Variants in URB1 observed in about 807,000 individuals in gnomAD.
URB1 encodes the protein URB1 ribosome biogenesis factor.
Under a neutral mutation model 242.3 loss-of-function variants are expected in URB1, and 197 were observed. The ratio of observed to expected loss-of-function variants is 0.81; its 90% CI spans 0.72 to 0.91. The LOEUF is 0.91. URB1 is among the 40% of genes least tolerant of loss of function. URB1 has a pLI of 0.00. For missense variants in URB1, 2,721 were observed against 2,860.5 expected (o/e 0.95, Z 1.11); for synonymous variants, 1,153 against 1,201.8 (o/e 0.96, Z 0.84).
chr21:32,383,168 G>A (rs2033545337), intron 4 of URB1, among the ~76,000 whole-genome samples: 1 of 152,186 alleles, frequency 6.6e-6, no homozygotes, highest in Admixed American at 6.5e-5. Flanking sequence ...GGAAGGCCCT[G>A]TGCCACTCAG....
In URB1 at chr21:32,344,704, G is replaced by A. The variant is rs928459803; in HGVS notation, c.4123C>T (p.Leu1375=). 6.4e-7 allele frequency: 1 copy of A among 1,552,048 alleles called. No individual in the cohort carries two copies. The highest frequency in any genetic ancestry group is 8.7e-7 in the Non-Finnish European group (1 of 1,147,130). Residue 1375 remains leucine, a synonymous_variant, in exon 24 of 39, where the codon CTG becomes TTG. Transcript: ENST00000382751. ...SAALEGSAEE[L]CAWRRTLLES... is the part of the protein sequence containing the mutation. ...AAAAGGGTCCTTCTCCAGGCACACA[G>A]CTCTTCTGCTGACCCTTCCAGAGCT...
rs761560231 is a variant in URB1, at chr21:32,314,692, C to G, written c.*226G>C. ...GGGCCTCATGGCCTAGAAGTCCCCACATTCCTTGCAACTCTGATGCTGGGC... is the reference window on the plus strand; with the variant it reads ...GGGCCTCATGGCCTAGAAGTCCCCAGATTCCTTGCAACTCTGATGCTGGGC... On this transcript the variant is annotated 3_prime_UTR_variant, in exon 39 of 39. Transcript: ENST00000382751. 1 of 1,588,286 alleles carries G rather than the reference C, an allele frequency of 6.3e-7. No homozygotes were observed. The highest frequency in any genetic ancestry group is 2.2e-5 in the East Asian group (1 of 44,758).
chr21:32,332,354 T>C (rs2032902959), intron 30 of URB1, among the ~76,000 whole-genome samples: 1 of 151,236 alleles, frequency 6.6e-6, no homozygotes, highest in Admixed American at 6.6e-5. Flanking sequence ...TGAAAGAACT[T>C]GTTAAAAGGA....
At chr21:32,391,643 T>C (rs2033639789) in intron 1 of URB1, among the ~76,000 whole-genome samples, 1 of 152,160 alleles carries the variant, frequency 6.6e-6, no homozygotes, top group Non-Finnish European at 1.5e-5. Flanking sequence ...CTTAATGAAT[T>C]CGGAAATAAA....
chr21:32,367,625 G>A (rs2033360616), intron 9 of URB1, among the ~76,000 whole-genome samples: 1 of 152,228 alleles, frequency 6.6e-6, no homozygotes. Context: ...GGCAGATGCT[G>A]ACATTATGAT....
intron 8 of URB1, among the ~76,000 whole-genome samples, chr21:32,372,087 G>A (rs2033412050): frequency 6.6e-6 from 1 of 152,208 alleles, no homozygotes; most frequent in Non-Finnish European, 1.5e-5. Context: ...CATTTAACCA[G>A]TGTAAGTGTC....
chr21:32,378,476 G>C lies in URB1; in HGVS notation c.633C>G (p.Asp211Glu), dbSNP rs1030928608. 13 of 1,551,582 alleles carry C rather than the reference G, an allele frequency of 8.4e-6. No individual in the cohort carries two copies. Among genetic ancestry groups the C allele is most frequent in the African/African-American group, 1.4e-5 (1 of 73,032 alleles). The change falls in exon 5 of 39, where the codon GAC becomes GAG. Residue 211 changes from aspartate (D) to glutamate (E), a missense_variant. Transcript: ENST00000382751. ...FALSFLIAGDDSTIVQVLEVK... is the reference protein window; with the variant it reads ...FALSFLIAGDESTIVQVLEVK... Reference sequence around the variant, plus strand: ...CTTCCAACACCTGCACTATAGTGCTGTCATCACCCGCAATTAAAAAGGAGA... The same window carrying C: ...CTTCCAACACCTGCACTATAGTGCTCTCATCACCCGCAATTAAAAAGGAGA...
At chr21:32,322,294 C>T (rs748128339) in intron 33 of URB1, among the ~76,000 whole-genome samples, 184 bp downstream of exon 33, 25 of 152,162 alleles carry the variant, frequency 1.6e-4, no homozygotes, top group Non-Finnish European at 1.6e-4. Context: ...AGGTTTGAGG[C>T]GCCATGTAGA....
At chr21:32,365,443 C>G (rs905318082) in intron 10 of URB1, among the ~76,000 whole-genome samples, 1 of 150,956 alleles carries the variant, frequency 6.6e-6, no homozygotes, top group Non-Finnish European at 1.5e-5. Flanking sequence ...AGAACAAGAC[C>G]CTGTCTCAAA....
At chr21:32,362,959 T>C (rs2033305457) in intron 11 of URB1, among the ~76,000 whole-genome samples, 197 bp downstream of exon 11, 1 of 152,212 alleles carries the variant, frequency 6.6e-6, no homozygotes, top group African/African-American at 2.4e-5. Flanking sequence ...TCATGCTCTG[T>C]GACATCACTG....
Position 32,311,416 on chromosome 21 carries a change from C to T in URB1, c.*3502G>A, listed in dbSNP as rs909287202. 7.2e-6 allele frequency: 2 copies of T among 278,140 alleles called. No individual in the cohort carries two copies. The highest frequency in any genetic ancestry group is 1.2e-4 in the East Asian group (2 of 16,470). 17.2% of individuals were successfully genotyped at this position (278,140 alleles called of 1,614,324 possible). On this transcript the variant is annotated 3_prime_UTR_variant, in exon 39 of 39. Transcript: ENST00000382751. The stretch of plus-strand genomic sequence containing the variant: ...TCAACCTGCTCCCCTCCACCCCCCA[C>T]CCCCCCCATCCTAAATCAATGTAGG...
chr21:32,345,327 A>AG (rs1247651069), intron 23 of URB1, 47 bp downstream of exon 23: 2 of 1,524,238 alleles, frequency 1.3e-6, no homozygotes, highest in Non-Finnish European at 1.8e-6. Context: ...TAAAAAAAAA[A>AG]TGACACCGAG....
chr21:32,336,684 C>T (rs1349206439), intron 28 of URB1, among the ~76,000 whole-genome samples: 4 of 152,082 alleles, frequency 2.6e-5, no homozygotes, highest in African/African-American at 9.7e-5. Context: ...CATGCATGCA[C>T]ATACAGACAA....
chr21:32,351,362 T>C (rs2033156402), intron 19 of URB1, among the ~76,000 whole-genome samples: 1 of 152,220 alleles, frequency 6.6e-6, no homozygotes, highest in African/African-American at 2.4e-5. Context: ...GGACAGAAGA[T>C]GGGCAGAACA....
intron 24 of URB1, 88 bp from the exon 25 acceptor site, chr21:32,341,612 C>T (rs1329438266): frequency 6.7e-6 from 8 of 1,201,606 alleles, no homozygotes; most frequent in Non-Finnish European, 9.5e-6. Flanking sequence ...TTCAGAAAGG[C>T]ATCTGCCTCC....
At chr21:32,360,904 G>T in intron 13 of URB1, 103 bp downstream of exon 13, 1 of 717,372 alleles carries the variant, frequency 1.4e-6, no homozygotes, top group Non-Finnish European at 2.2e-6. Flanking sequence ...GGATGAGCAC[G>T]CAGCCAACCG....
In URB1 at chr21:32,349,344, T is replaced by A. The variant is rs2123581931; in HGVS notation, c.2972A>T (p.Asp991Val). The part of the protein sequence containing the change: ...AARAEADLFL[D>V]MESVASLELA... The stretch of plus-strand genomic sequence containing the variant: ...CTCCAGCGAGGCCACGGACTCCATG[T>A]CCAGGAAGAGGTCGGCTTCGGCCCG... Residue 991 changes from aspartate to valine, a missense_variant, in exon 21 of 39, where the codon GAC (aspartate) becomes GTC (valine). Transcript: ENST00000382751. 1 of 1,550,936 alleles carries A rather than the reference T, an allele frequency of 6.4e-7. No homozygotes were observed. The highest frequency in any genetic ancestry group is 8.7e-7 in the Non-Finnish European group (1 of 1,146,728).
chr21:32,368,751 G>T (rs149738937), intron 8 of URB1, among the ~76,000 whole-genome samples, 153 bp from the exon 9 acceptor site: 4 of 152,246 alleles, frequency 2.6e-5, no homozygotes, highest in African/African-American at 7.2e-5. Flanking sequence ...TGGGGGTTCC[G>T]TGGCCTGGGG....
At chr21:32,351,797 C>T (rs765529455) in intron 19 of URB1, among the ~76,000 whole-genome samples, 6 of 152,222 alleles carry the variant, frequency 3.9e-5, no homozygotes, top group African/African-American at 1.4e-4. Context: ...TGCTGTCTGG[C>T]TATCACTGTG....
Sources: allele counts gnomAD v4.1 joint callset (sites outside exome capture counted in the v4.1 genomes callset), GRCh38; gene constraint gnomAD v4.1.1; transcripts MANE v1.5; gene names NCBI Gene and HGNC (gene_info 2026-07-23, HGNC 2026-07-21).